The following SCARB2 variants were observed in gnomAD, a reference collection of about 807,000 sequenced individuals.
SCARB2 encodes lysosome membrane protein 2.
In SCARB2, 29 loss-of-function variants were observed where a neutral mutation model predicts 58.6. That is an observed-to-expected ratio of 0.49 (90% CI 0.37 to 0.67). The LOEUF is 0.67. Ranked by LOEUF, SCARB2 falls within the 30% of genes least tolerant of loss-of-function variation. SCARB2 has a pLI of 0.00. For synonymous variants in SCARB2, 195 were observed against 210.1 expected (o/e 0.93, Z 0.62); for missense variants, 488 against 578.5 (o/e 0.84, Z 1.60).
At chr4:76,168,870 A>G (rs1050078284) in intron 8 of SCARB2, among the ~76,000 whole-genome samples, 1 of 152,248 alleles carries the variant, frequency 6.6e-6, no homozygotes, top group Non-Finnish European at 1.5e-5. Context: ...AGTTGTCCAG[A>G]GAGCTAAGAA....
chr4:76,169,813 T>A, intron 8 of SCARB2, 54 bp downstream of exon 8: 1 of 1,365,242 alleles, frequency 7.3e-7, no homozygotes, highest in South Asian at 1.2e-5. Flanking sequence ...TGGTGAACAA[T>A]GTATAGACAG....
At chr4:76,166,097 G>T in intron 10 of SCARB2, 153 bp downstream of exon 10, 1 of 804,964 alleles carries the variant, frequency 1.2e-6, no homozygotes, top group South Asian at 1.4e-5. Flanking sequence ...GCAGATTCAT[G>T]TGAACATTTA....
intron 4 of SCARB2, chr4:76,179,286 T>G (rs1279363505): frequency 3.9e-6 from 2 of 518,008 alleles, no homozygotes; most frequent in Non-Finnish European, 7.0e-6. Context: ...AGTCTTAACC[T>G]CAAATGATCC....
intron 7 of SCARB2, among the ~76,000 whole-genome samples, chr4:76,172,270 AT>A (rs1444108153): frequency 6.6e-6 from 1 of 150,616 alleles, no homozygotes; most frequent in Non-Finnish European, 1.5e-5. Flanking sequence ...TATATATATA[AT>A]TTTTTTGTTT....
intron 1 of SCARB2, among the ~76,000 whole-genome samples, chr4:76,230,479 C>T (rs1295934539): frequency 1.3e-5 from 2 of 152,168 alleles, no homozygotes; most frequent in African/African-American, 4.8e-5. Flanking sequence ...GCCTCACCTG[C>T]CCCTCCCTGT....
chr4:76,189,642 T>C (rs993230406), intron 2 of SCARB2, among the ~76,000 whole-genome samples: 5 of 151,990 alleles, frequency 3.3e-5, no homozygotes, highest in African/African-American at 1.2e-4. Context: ...TTTTTTCTTT[T>C]TGTATTTTTA....
chr4:76,216,521 T>C (rs1733210735), upstream of SCARB2, among the ~76,000 whole-genome samples: 1 of 152,212 alleles, frequency 6.6e-6, no homozygotes, highest in Non-Finnish European at 1.5e-5. Context: ...TCATTGTTCA[T>C]TGAGGTCCCT....
chr4:76,202,248 T>C (rs964649412), intron 1 of SCARB2, among the ~76,000 whole-genome samples: 3 of 152,188 alleles, frequency 2.0e-5, no homozygotes, highest in Non-Finnish European at 2.9e-5. Flanking sequence ...TGTTACTTTA[T>C]TTTTTATTTA....
intron 5 of SCARB2, chr4:76,176,231 T>A (rs1233143676): frequency 3.3e-6 from 2 of 607,464 alleles, no homozygotes; most frequent in African/African-American, 3.7e-5. Context: ...TGCCTGGCCA[T>A]GATAAATCTA....
At chr4:76,169,012 C>T (rs17001553) in intron 8 of SCARB2, among the ~76,000 whole-genome samples, 3,994 of 152,252 alleles carry the variant, frequency 0.026, 156 homozygotes, top group African/African-American at 0.091. Flanking sequence ...AGACTGTGTT[C>T]GTCCCTTGGT....
chr4:76,174,009 G>A, intron 7 of SCARB2, 135 bp downstream of exon 7: 1 of 1,105,320 alleles, frequency 9.0e-7, no homozygotes, highest in Non-Finnish European at 1.4e-6. Context: ...GGGCTCAAGT[G>A]ATCATCCCAC....
rs139485368 is a variant in SCARB2, at chr4:76,221,964, A to T, written c.-358+12339T>A. Among the ~76,000 whole-genome samples, 977 of 152,338 alleles carry T rather than the reference A, an allele frequency of 6.4e-3. 7 individuals carry two copies. Among genetic ancestry groups the T allele is most frequent in the Non-Finnish European group, 8.0e-3 (542 of 68,036 alleles). On this transcript the variant is annotated intron_variant, in intron 1 of 11. Transcript: ENST00000638295. ...TAATCTATGCCACATGATGTTGTGG[A>T]ATTCATCCCAAACTCTTTAACAATA...
At position 76,213,744 on chromosome 4, in the gene SCARB2, C is replaced by G. The variant is rs1733130925; in HGVS notation, c.-201G>C. ...CCCGGGTGCACCGGGCGGATGGGGCCGCGGAGGGACGGGCCCGGACTCGGT... is the reference window on the plus strand; with the variant it reads ...CCCGGGTGCACCGGGCGGATGGGGCGGCGGAGGGACGGGCCCGGACTCGGT... On this transcript the variant is annotated 5_prime_UTR_variant, in exon 1 of 12. Transcript: ENST00000264896. 11 of 472,624 alleles carry G rather than the reference C, an allele frequency of 2.3e-5. No individual in the cohort carries two copies. In the South Asian group the frequency reaches 3.2e-4, roughly 14 times the overall value. 29.3% of individuals were successfully genotyped at this position (472,624 alleles called of 1,614,324 possible). A position where few individuals can be genotyped will look rare whatever the true frequency, so the allele number is the denominator to read the frequency against.
At chr4:76,189,462 G>A (rs1403705237) in intron 2 of SCARB2, among the ~76,000 whole-genome samples, 1 of 127,238 alleles carries the variant, frequency 7.9e-6, no homozygotes, top group Non-Finnish European at 1.6e-5. Context: ...CAGCAAAAGG[G>A]TTTTTGTTTG....
Position 76,195,788 on chromosome 4 carries a change from T to C in SCARB2, c.194A>G (p.Tyr65Cys), listed in dbSNP as rs138955932. The C allele has an allele frequency of 2.0e-4, 323 of 1,613,782 alleles. No individual in the cohort carries two copies. The highest frequency in any genetic ancestry group is 1.8e-3 in the South Asian group (164 of 91,082). The change falls in exon 2 of 12, where the codon TAT becomes TGT. Residue 65 changes from tyrosine (Y) to cysteine (C), a missense_variant. Coordinates refer to ENST00000264896, the MANE Select transcript of SCARB2 (RefSeq NM_005506.4). ...CTCTGGATTGGTGACATTGAAGAAA[T>C]AGAACTGAGTATACACAGGCAGAGG... ...KPPLPVYTQFYFFNVTNPEEI... is the reference protein window; with the variant it reads ...KPPLPVYTQFCFFNVTNPEEI...
intron 1 of SCARB2, among the ~76,000 whole-genome samples, chr4:76,210,929 C>A (rs1325273396): frequency 6.6e-6 from 1 of 152,086 alleles, no homozygotes; most frequent in Non-Finnish European, 1.5e-5. Flanking sequence ...GGGGCATAGA[C>A]AATCTTCAAA....
intron 9 of SCARB2, among the ~76,000 whole-genome samples, chr4:76,167,063 AT>A: frequency 6.6e-6 from 1 of 152,194 alleles, no homozygotes; most frequent in Non-Finnish European, 1.5e-5. Context: ...TTATATCATA[AT>A]TTTCTCATAT....
chr4:76,187,436 G>A (rs17001598), intron 2 of SCARB2, among the ~76,000 whole-genome samples: 3,560 of 152,244 alleles, frequency 0.023, 113 homozygotes, highest in African/African-American at 0.072. Flanking sequence ...TTCAACCCAC[G>A]AGGTAACCAG....
intron 1 of SCARB2, among the ~76,000 whole-genome samples, chr4:76,197,450 T>G (rs918799836): frequency 6.6e-6 from 1 of 152,206 alleles, no homozygotes; most frequent in Admixed American, 6.5e-5. Context: ...AACGGAGATG[T>G]GTAGACTAGT....
Sources: gnomAD v4.1 joint callset for allele counts (sites outside exome capture counted in the v4.1 genomes callset) on GRCh38, gnomAD v4.1.1 for gene constraint, MANE v1.5 for transcripts, NCBI Gene and HGNC (gene_info 2026-07-23, HGNC 2026-07-21) for gene names.